The following SRFBP1 variants were observed in gnomAD, a reference collection of about 807,000 sequenced individuals.
SRFBP1 encodes the protein serum response factor binding protein 1.
In SRFBP1, 47 loss-of-function variants were observed where a neutral mutation model predicts 45.5. The observed-to-expected ratio is 1.03, with a 90% CI of 0.82 to 1.32. SRFBP1 has a LOEUF of 1.32. SRFBP1 is among the 40% of genes most tolerant of loss of function. The probability of loss-of-function intolerance (pLI) is 0.00; values close to 1 mark genes in which losing one functional copy is unlikely to be tolerated. For synonymous variants in SRFBP1, 203 were observed against 166.3 expected, an observed-to-expected ratio of 1.22 and a Z score of -1.70; for missense variants, 621 against 484.6, an observed-to-expected ratio of 1.28 and a Z score of -2.64.
At chr5:122,022,325 A>C in intron 6 of SRFBP1, 45 bp from the exon 7 acceptor site, 2 of 1,523,484 alleles carry the variant, frequency 1.3e-6, no homozygotes, top group South Asian at 2.4e-5. Flanking sequence ...TTAAGATCAG[A>C]GGATTTATCT....
At chr5:122,072,162 G>A (rs1260920612) in intron 2 of SRFBP1, among the ~76,000 whole-genome samples, 8 of 152,028 alleles carry the variant, frequency 5.3e-5, no homozygotes, top group Admixed American at 5.2e-4. Flanking sequence ...ATTTAAGATG[G>A]GTTTACATAA....
intron 2 of SRFBP1, among the ~76,000 whole-genome samples, chr5:122,037,277 C>T (rs2112726259): frequency 6.6e-6 from 1 of 152,268 alleles, no homozygotes; most frequent in East Asian, 1.9e-4. Context: ...ACACAAACAT[C>T]ATGCTCACAC....
At chr5:121,965,295 T>C (rs992909229) in intron 1 of SRFBP1, among the ~76,000 whole-genome samples, 17 of 152,254 alleles carry the variant, frequency 1.1e-4, no homozygotes, top group African/African-American at 4.1e-4. Context: ...ATTGCCTAGG[T>C]TTTCTTCTAG....
chr5:122,064,370 G>C (rs1325144236), intron 2 of SRFBP1: 3 of 151,548 alleles, frequency 2.0e-5, no homozygotes, highest in Non-Finnish European at 4.4e-5. Context: ...TGAGTTATTT[G>C]GGTGTGTTTA....
chr5:122,042,523 A>G (rs1421084113), intron 2 of SRFBP1, among the ~76,000 whole-genome samples: 1 of 152,232 alleles, frequency 6.6e-6, no homozygotes, highest in Non-Finnish European at 1.5e-5. Flanking sequence ...AAGTGCTGGA[A>G]TTACAGGCAT....
chr5:122,031,470 A>G (rs1235660330), downstream of SRFBP1, among the ~76,000 whole-genome samples: 1 of 152,184 alleles, frequency 6.6e-6, no homozygotes, highest in Non-Finnish European at 1.5e-5. Context: ...GCTATTTTAA[A>G]TATGTTCAAA....
chr5:122,019,972 T>C (rs1033812966), intron 5 of SRFBP1, 116 bp from the exon 6 acceptor site: 6 of 618,842 alleles, frequency 9.7e-6, no homozygotes, highest in Non-Finnish European at 1.6e-5. Flanking sequence ...GTATTTAATA[T>C]CAATTCCAAC....
At chr5:122,026,765 T>C (rs780495531) in intron 7 of SRFBP1, among the ~76,000 whole-genome samples, 177 bp from the exon 8 acceptor site, 13 of 152,178 alleles carry the variant, frequency 8.5e-5, no homozygotes, top group Non-Finnish European at 1.5e-4. Context: ...TGACTACTTG[T>C]ATATAAATTT....
chr5:122,067,735 A>C (rs957468604), intron 2 of SRFBP1, among the ~76,000 whole-genome samples: 2 of 152,102 alleles, frequency 1.3e-5, no homozygotes, highest in African/African-American at 4.8e-5. Context: ...CCAAACTAGA[A>C]GACTTGTTTT....
intron 2 of SRFBP1, among the ~76,000 whole-genome samples, chr5:122,060,772 T>C (rs1231206232): frequency 6.6e-6 from 1 of 152,094 alleles, no homozygotes; most frequent in Non-Finnish European, 1.5e-5. Flanking sequence ...ACAGCAAGAA[T>C]GTGATCTTGC....
downstream of SRFBP1, chr5:122,077,750 G>A: frequency 1.9e-6 from 3 of 1,563,542 alleles, no homozygotes; most frequent in Non-Finnish European, 2.6e-6. This position sits in a 1 kb window ranked among gnomAD's most constrained non-coding sequence, Gnocchi z 4.9. Flanking sequence ...GGCGTTGGCT[G>A]CACCAGGGAC....
chr5:122,017,903 G>T (rs1445242154), intron 4 of SRFBP1, among the ~76,000 whole-genome samples: 1 of 152,146 alleles, frequency 6.6e-6, no homozygotes, highest in Non-Finnish European at 1.5e-5. Flanking sequence ...TGTGTATTGG[G>T]TGCCTACTAT....
At chr5:121,988,585 C>T (rs557980089) in intron 3 of SRFBP1, among the ~76,000 whole-genome samples, 1 of 152,314 alleles carries the variant, frequency 6.6e-6, no homozygotes, top group East Asian at 1.9e-4. Flanking sequence ...TCACCTGAGC[C>T]TAGGTGTTGA....
downstream of SRFBP1, chr5:122,078,332 G>A: frequency 4.8e-6 from 1 of 208,854 alleles, no homozygotes; most frequent in Non-Finnish European, 9.4e-6. Context: ...TTCTGGCCCG[G>A]CCGCCCCTCA....
At chr5:122,005,063 C>T (rs1752948566) in intron 4 of SRFBP1, among the ~76,000 whole-genome samples, 1 of 152,064 alleles carries the variant, frequency 6.6e-6, no homozygotes, top group African/African-American at 2.4e-5. Flanking sequence ...TTTTGTGGCC[C>T]AGCATATCAT....
intron 2 of SRFBP1, among the ~76,000 whole-genome samples, chr5:122,044,433 T>C (rs914129722): frequency 1.3e-5 from 2 of 152,210 alleles, no homozygotes; most frequent in Non-Finnish European, 2.9e-5. Context: ...TCACAACTAC[T>C]TTCCACAATG....
intron 2 of SRFBP1, among the ~76,000 whole-genome samples, chr5:122,062,326 A>G (rs1238194111): frequency 1.3e-5 from 2 of 152,112 alleles, no homozygotes; most frequent in East Asian, 3.9e-4. Context: ...AATTACTACG[A>G]TGAAAGTGAT....
intron 4 of SRFBP1, among the ~76,000 whole-genome samples, chr5:122,008,221 C>T (rs1321794696): frequency 3.3e-5 from 5 of 151,996 alleles, no homozygotes; most frequent in African/African-American, 9.7e-5. Flanking sequence ...CAGCTGAGGG[C>T]GGTTCAGAAC....
chr5:122,055,162 G>T (rs921649714), intron 2 of SRFBP1, among the ~76,000 whole-genome samples: 3 of 152,176 alleles, frequency 2.0e-5, no homozygotes, highest in African/African-American at 7.2e-5. Flanking sequence ...CAGATTTAGT[G>T]TCTGGTAAGG....
Sources: gnomAD v4.1 joint callset for allele counts (sites outside exome capture counted in the v4.1 genomes callset) on GRCh38, gnomAD v4.1.1 for gene constraint, Gnocchi (gnomAD v3.1) non-coding constraint, MANE v1.5 for transcripts, NCBI Gene and HGNC (gene_info 2026-07-23, HGNC 2026-07-21) for gene names.